The following ATP8B4 variants were observed in gnomAD, a reference collection of about 807,000 sequenced individuals.
ATP8B4 encodes ATPase phospholipid transporting 8B4 (putative), also known as probable phospholipid-transporting ATPase IM.
A neutral mutation model predicts 145.6 loss-of-function variants in ATP8B4; 133 were observed. The ratio of observed to expected loss-of-function variants is 0.91; its 90% CI spans 0.79 to 1.05. ATP8B4 has a LOEUF of 1.05. Among genes scored for constraint, ATP8B4 ranks in the 50% least tolerant of loss-of-function variants. The pLI is 0.00. For missense variants in ATP8B4, 1,458 were observed against 1,425.2 expected (o/e 1.02, Z -0.37); for synonymous variants, 507 against 492.9 (o/e 1.03, Z -0.38).
At chr15:49,918,007 T>C (rs185930181) in intron 19 of ATP8B4, among the ~76,000 whole-genome samples, 15 of 152,330 alleles carry the variant, frequency 9.8e-5, no homozygotes, top group East Asian at 1.9e-4. Flanking sequence ...ATGTAGAGAA[T>C]TGATGCATCA....
Position 50,042,876 on chromosome 15 carries a change from G to C in ATP8B4, c.300+1718C>G, listed in dbSNP as rs990400449. Among the ~76,000 whole-genome samples the C allele has an allele frequency of 6.6e-5, 10 of 152,208 alleles. No homozygotes were observed. The South Asian group carries it at 2.1e-3, about 32-fold the overall frequency. On this transcript the variant is annotated intron_variant, in intron 5 of 27. Transcript: ENST00000284509. ...AACACTCCGTTAATCTAAAAGTAGG[G>C]AGAGAAAAATAGAACGAAGAGCCAA...
chr15:49,967,655 A>G (rs182473849), intron 13 of ATP8B4, among the ~76,000 whole-genome samples: 6 of 152,352 alleles, frequency 3.9e-5, no homozygotes. Flanking sequence ...TCATTGGTGT[A>G]CCTGAAAGTG....
chr15:49,993,666 A>G (rs1206113334), intron 9 of ATP8B4, among the ~76,000 whole-genome samples: 1 of 152,114 alleles, frequency 6.6e-6, no homozygotes. Flanking sequence ...TAGAAACAGG[A>G]AATTATATTT....
chr15:49,864,182 C>T (rs993297962), intron 26 of ATP8B4, among the ~76,000 whole-genome samples: 2 of 152,196 alleles, frequency 1.3e-5, no homozygotes, highest in African/African-American at 4.8e-5. Context: ...AAGAGTGGTG[C>T]AACTTAAAGA....
intron 1 of ATP8B4, among the ~76,000 whole-genome samples, chr15:50,117,181 T>C (rs1443020664): frequency 1.3e-5 from 2 of 152,042 alleles, no homozygotes; most frequent in Admixed American, 6.6e-5. Flanking sequence ...TCCTGAGTAG[T>C]TGAGATTACA....
chr15:49,873,514 A>C (rs1422806117), intron 25 of ATP8B4, among the ~76,000 whole-genome samples: 2 of 152,220 alleles, frequency 1.3e-5, no homozygotes, highest in African/African-American at 2.4e-5. Context: ...TAAGTGAAAA[A>C]ATAAGACATA....
chr15:50,014,206 A>G (rs2048924042), intron 6 of ATP8B4, among the ~76,000 whole-genome samples: 5 of 152,152 alleles, frequency 3.3e-5, no homozygotes, highest in Admixed American at 6.6e-5. Context: ...ATAAAGGTCA[A>G]TATAATTGAC....
chr15:50,110,813 G>T (rs1291789117), intron 1 of ATP8B4, among the ~76,000 whole-genome samples: 1 of 152,208 alleles, frequency 6.6e-6, no homozygotes, highest in Admixed American at 6.5e-5. Context: ...GTAGAGAGAG[G>T]AATGTAGCAA....
Position 50,044,636 on chromosome 15 carries a change from C to T in ATP8B4, c.258G>A (p.Leu86=). ...TWFTTIVPLV[L]VITMTAVKDA... ...CTTTGACAGCTGTCATAGTTATCAC[C>T]AGGACCAAAGGCACAATGGTGGTAA... Residue 86 remains leucine (L), a synonymous_variant, in exon 5 of 28, where the codon CTG becomes CTA. Coordinates refer to ENST00000284509, the MANE Select transcript of ATP8B4 (RefSeq NM_024837.4). The T allele has an allele frequency of 3.1e-6, 5 of 1,613,212 alleles. No homozygotes were observed. Among genetic ancestry groups the T allele is most frequent in the Non-Finnish European group, 4.2e-6 (5 of 1,179,542 alleles).
At chr15:50,071,516 A>G (rs1404350055) in intron 3 of ATP8B4, among the ~76,000 whole-genome samples, 6 of 152,230 alleles carry the variant, frequency 3.9e-5, no homozygotes, top group Non-Finnish European at 5.9e-5. Context: ...ATTACCCCAT[A>G]GCAGATTAGT....
At chr15:49,881,324 G>T in intron 23 of ATP8B4, among the ~76,000 whole-genome samples, 1 of 152,042 alleles carries the variant, frequency 6.6e-6, no homozygotes, top group East Asian at 1.9e-4. Context: ...ATTAGCAAGG[G>T]ATTCATTTTG....
At chr15:50,060,793 G>A (rs1600134931) in intron 3 of ATP8B4, among the ~76,000 whole-genome samples, 1 of 152,118 alleles carries the variant, frequency 6.6e-6, no homozygotes, top group Middle Eastern at 3.4e-3. Context: ...TTTGTGGTGG[G>A]GCCCGAGAGT....
At chr15:50,109,126 C>T (rs1208513107) in intron 1 of ATP8B4, among the ~76,000 whole-genome samples, 3 of 152,112 alleles carry the variant, frequency 2.0e-5, no homozygotes, top group African/African-American at 7.2e-5. Flanking sequence ...TTATCTTCAG[C>T]CTGGGAAGAA....
chr15:50,094,045 A>G (rs2055790729), intron 2 of ATP8B4, among the ~76,000 whole-genome samples: 1 of 152,186 alleles, frequency 6.6e-6, no homozygotes. Flanking sequence ...TTGATAAACT[A>G]AAGTATGTCT....
intron 1 of ATP8B4, among the ~76,000 whole-genome samples, chr15:50,148,367 A>G (rs1355763851): frequency 2.6e-5 from 4 of 152,214 alleles, no homozygotes; most frequent in African/African-American, 9.6e-5. Context: ...AAAAAAAGCT[A>G]TAAGACATTG....
chr15:50,156,859 G>A (rs1236802671), intron 1 of ATP8B4, among the ~76,000 whole-genome samples: 5 of 152,178 alleles, frequency 3.3e-5, no homozygotes, highest in African/African-American at 1.2e-4. Flanking sequence ...GAGAATATCA[G>A]GAGCTTGGAC....
chr15:49,920,377 T>A lies in ATP8B4; in HGVS notation c.1792A>T (p.Ile598Phe). 1 of 1,614,200 alleles carries A rather than the reference T, an allele frequency of 6.2e-7. No individual in the cohort carries two copies. Among genetic ancestry groups the A allele is most frequent in the South Asian group, 1.1e-5 (1 of 91,066 alleles). ...TTGTCATCCAGGTCTCTGTATGCGA[T>A]GGCCAAGGTCCGAAGGCCTTCCCCT... is the stretch of plus-strand genomic sequence containing the variant. ...FAGEGLRTLA[I>F]AYRDLDDKYF... Residue 598 changes from isoleucine to phenylalanine, a missense_variant, in exon 18 of 28, where the codon ATC becomes TTC. Physicochemically the swap from Ile to Phe is conservative, Grantham distance 21. Transcript: ENST00000284509.
Position 49,901,135 on chromosome 15 carries a change from G to A in ATP8B4, c.2246C>T (p.Thr749Ile). The A allele has an allele frequency of 1.9e-6, 3 of 1,613,484 alleles. No homozygotes were observed. Among genetic ancestry groups the A allele is most frequent in the Non-Finnish European group, 2.5e-6 (3 of 1,179,638 alleles). Residue 749 changes from threonine (T) to isoleucine (I), a missense_variant, in exon 21 of 28, where the codon ACC (threonine) becomes ATC (isoleucine). Coordinates refer to ENST00000284509, the MANE Select transcript of ATP8B4 (RefSeq NM_024837.4). Reference protein sequence around the residue: ...QLELDSIVEETITGDYALIIN... With the variant: ...QLELDSIVEEIITGDYALIIN... ...GATTAAGGCATAATCTCCTGTTATG[G>A]TTTCTTCTACAATAGAATCCAACTC...
chr15:49,866,480 G>A lies in ATP8B4; in HGVS notation c.3032C>T (p.Ala1011Val). Residue 1011 changes from alanine (A) to valine (V), a missense_variant, in exon 26 of 28, where the codon GCC becomes GTC. By Grantham distance (64) the Ala-to-Val change is moderately conservative. Transcript: ENST00000284509. Reference sequence around the variant, plus strand: ...GAAAGTCCAGTAACTGGTATCCAAGGCTATCTGTAAATAAAATCAAATGCA... The same window carrying A: ...GAAAGTCCAGTAACTGGTATCCAAGACTATCTGTAAATAAAATCAAATGCA... ...SLVIVVSVQI[A>V]LDTSYWTFIN... is the part of the protein sequence containing the mutation. 1 of 1,613,360 alleles carries A rather than the reference G, an allele frequency of 6.2e-7. No homozygotes were observed. The highest frequency in any genetic ancestry group is 2.2e-5 in the East Asian group (1 of 44,850).
Sources: allele counts gnomAD v4.1 joint callset (sites outside exome capture counted in the v4.1 genomes callset), GRCh38; gene constraint gnomAD v4.1.1; transcripts MANE v1.5; gene names NCBI Gene and HGNC (gene_info 2026-07-23, HGNC 2026-07-21).